The following FAM135B variants were observed in gnomAD, a reference collection of about 807,000 sequenced individuals.
FAM135B encodes the protein family with sequence similarity 135 member B.
FAM135B carries 43 observed loss-of-function variants against 127.7 expected under a neutral mutation model. That is an observed-to-expected ratio of 0.34 (90% CI 0.26 to 0.43). The LOEUF (loss-of-function observed/expected upper bound fraction) is 0.43. FAM135B is among the 20% of genes least tolerant of loss of function. FAM135B has a pLI of 1.00. For missense variants in FAM135B, 1,558 were observed against 1,725.6 expected (o/e 0.90, Z 1.72); for synonymous variants, 670 against 665.1 (o/e 1.01, Z -0.11).
At chr8:138,491,914 T>G (rs1368163971) in intron 1 of FAM135B, among the ~76,000 whole-genome samples, 2 of 151,394 alleles carry the variant, frequency 1.3e-5, no homozygotes, top group African/African-American at 4.9e-5. Flanking sequence ...GAGGCCAGGG[T>G]GGGTAGAGGT....
rs150579211 is a variant in FAM135B, at chr8:138,141,707, A to G, written c.3639-358T>C. Among the ~76,000 whole-genome samples the G allele has an allele frequency of 2.3e-4, 35 of 152,272 alleles. No homozygotes were observed. The East Asian group carries it at 5.8e-3, about 25-fold the overall frequency. On this transcript the variant is annotated intron_variant, in intron 16 of 19. Coordinates refer to ENST00000395297, the MANE Select transcript of FAM135B (RefSeq NM_015912.4). This position sits in a 1 kb window ranked among gnomAD's most constrained non-coding sequence, Gnocchi z 4.7. The stretch of plus-strand genomic sequence containing the variant: ...AATCTCCTGGTCATTCACAGGATCA[A>G]GTCCCAAGTCCTTATCCTGCTTGGG...
At chr8:138,361,696 G>A (rs780842995) in intron 2 of FAM135B, among the ~76,000 whole-genome samples, 26 of 151,842 alleles carry the variant, frequency 1.7e-4, no homozygotes, top group Non-Finnish European at 3.2e-4. Context: ...TCTCACCTCC[G>A]CCCACTCCCC....
At chr8:138,468,352 T>C (rs1056155678) in intron 1 of FAM135B, among the ~76,000 whole-genome samples, 8 of 152,244 alleles carry the variant, frequency 5.3e-5, no homozygotes, top group African/African-American at 1.9e-4. Context: ...TTTCTGAGTC[T>C]GCTGTTAGCT....
intron 1 of FAM135B, among the ~76,000 whole-genome samples, chr8:138,388,527 C>T (rs746456977): frequency 6.6e-6 from 1 of 152,220 alleles, no homozygotes; most frequent in Non-Finnish European, 1.5e-5. Context: ...AAATAAACCA[C>T]TGTCTATCCT....
At chr8:138,288,505 G>A (rs1824867303) in intron 3 of FAM135B, among the ~76,000 whole-genome samples, 1 of 152,138 alleles carries the variant, frequency 6.6e-6, no homozygotes, top group Non-Finnish European at 1.5e-5. Flanking sequence ...GGGAGACAGA[G>A]GGAAAAGCAG....
rs138783522 is a variant in FAM135B, at chr8:138,194,074, A to T, written c.873+1184T>A. On this transcript the variant is annotated intron_variant, in intron 9 of 19. Coordinates refer to ENST00000395297, the MANE Select transcript of FAM135B (RefSeq NM_015912.4). ...CAGAGTCGGAGCATATGAGCCCCCA[A>T]GTGTGGACATTAGGCCTTTGACTCG... is the stretch of plus-strand genomic sequence containing the variant. 4.3e-4 allele frequency among the ~76,000 whole-genome samples: 66 copies of T among 152,276 alleles called. No individual in the cohort carries two copies. In the Middle Eastern group the frequency reaches 0.01, roughly 24 times the overall value.
intron 1 of FAM135B, among the ~76,000 whole-genome samples, chr8:138,411,576 G>C (rs933519130): frequency 1.3e-5 from 2 of 152,136 alleles, no homozygotes; most frequent in Non-Finnish European, 2.9e-5. Flanking sequence ...ATAGGCATGG[G>C]TAAGGACTTC....
intron 1 of FAM135B, among the ~76,000 whole-genome samples, chr8:138,457,903 G>A (rs1393671338): frequency 1.3e-5 from 2 of 151,716 alleles, no homozygotes; most frequent in African/African-American, 4.9e-5. Flanking sequence ...CTTGATCCTA[G>A]GAGGCAAAGC....
intron 9 of FAM135B, among the ~76,000 whole-genome samples, chr8:138,183,993 C>T (rs1815323351): frequency 6.6e-6 from 1 of 152,148 alleles, no homozygotes; most frequent in Admixed American, 6.5e-5. Flanking sequence ...AACACAAATC[C>T]TTAAACTAAA....
At position 138,149,619 on chromosome 8, in the gene FAM135B, C is replaced by T. The variant is rs527582841; in HGVS notation, c.3282-933G>A. 3.3e-5 allele frequency among the ~76,000 whole-genome samples: 5 copies of T among 152,192 alleles called. No homozygotes were observed. In the South Asian group the frequency reaches 1.0e-3, roughly 32 times the overall value. On this transcript the variant is annotated intron_variant, in intron 13 of 19. Transcript: ENST00000395297. ...GTCAGAATCTCAAATTTGACACTCA[C>T]TATTTCTTGTTATTATCTGTTATTA... is the stretch of plus-strand genomic sequence containing the variant.
rs73434954 is a variant in FAM135B at position 138,241,056 on chromosome 8, C to T, written c.669+1886G>A. The stretch of plus-strand genomic sequence containing the variant: ...TACTGAAACTCTGGGTGCCAGCCCA[C>T]GTGGGGGCTGAAGGAAGGAAGACTG... On this transcript the variant is annotated intron_variant, in intron 7 of 19. Coordinates refer to ENST00000395297, the MANE Select transcript of FAM135B (RefSeq NM_015912.4). This position sits in a 1 kb window ranked among gnomAD's most constrained non-coding sequence, Gnocchi z 4.8. Among the ~76,000 whole-genome samples the T allele has an allele frequency of 0.014, 2,150 of 152,106 alleles. 49 individuals carry two copies. The highest frequency in any genetic ancestry group is 0.049 in the African/African-American group (2,019 of 41,408).
At position 138,322,138 on chromosome 8, in the gene FAM135B, A is replaced by C. The variant is rs76651136; in HGVS notation, c.78-11218T>G. 9.7e-3 allele frequency among the ~76,000 whole-genome samples: 1,483 copies of C among 152,216 alleles called. 29 individuals are homozygous for C. Among genetic ancestry groups the C allele is most frequent in the African/African-American group, 0.034 (1,412 of 41,536 alleles). On this transcript the variant is annotated intron_variant, in intron 2 of 19. Coordinates refer to ENST00000395297, the MANE Select transcript of FAM135B (RefSeq NM_015912.4). ...ACACTGTGATATGAATGTGCAGGGG[A>C]ACTTTATTTTTAAATGATAGTGAAA...
intron 1 of FAM135B, among the ~76,000 whole-genome samples, chr8:138,431,623 C>T (rs1376474887): frequency 3.3e-5 from 5 of 152,166 alleles, no homozygotes; most frequent in African/African-American, 1.2e-4. Context: ...TCCTATCTAG[C>T]CTTTAACAGA....
At chr8:138,435,429 A>G (rs1835408581) in intron 1 of FAM135B, among the ~76,000 whole-genome samples, 1 of 152,214 alleles carries the variant, frequency 6.6e-6, no homozygotes, top group African/African-American at 2.4e-5. Flanking sequence ...GTTACTGATG[A>G]GAAAGCTGAA....
intron 7 of FAM135B, among the ~76,000 whole-genome samples, chr8:138,215,657 GCA>G (rs1818484631): frequency 6.6e-6 from 1 of 152,178 alleles, no homozygotes; most frequent in Admixed American, 6.5e-5. Context: ...AAGTGCTTTG[GCA>G]CAGACAGAAC....
chr8:138,293,881 A>G (rs1825295590), intron 3 of FAM135B, among the ~76,000 whole-genome samples: 1 of 152,214 alleles, frequency 6.6e-6, no homozygotes, highest in Non-Finnish European at 1.5e-5. Flanking sequence ...TTGACCCAAC[A>G]ATCCCAGTGG....
chr8:138,176,958 T>C (rs940305531), intron 11 of FAM135B, among the ~76,000 whole-genome samples: 3 of 152,222 alleles, frequency 2.0e-5, no homozygotes, highest in African/African-American at 7.2e-5. Flanking sequence ...TTAATTCTTA[T>C]GCTGAATGCA....
chr8:138,174,817 C>G (rs527788779), intron 11 of FAM135B, among the ~76,000 whole-genome samples: 1 of 152,190 alleles, frequency 6.6e-6, no homozygotes, highest in Non-Finnish European at 1.5e-5. Flanking sequence ...GTTCCTCTCA[C>G]AGCGATGCAT....
intron 1 of FAM135B, among the ~76,000 whole-genome samples, chr8:138,386,230 A>AC (rs1047570991): frequency 3.3e-5 from 5 of 151,992 alleles, no homozygotes; most frequent in Non-Finnish European, 7.4e-5. Flanking sequence ...AAAACAAAAA[A>AC]AAAAACAAAA....
Sources: allele counts gnomAD v4.1 joint callset (sites outside exome capture counted in the v4.1 genomes callset), GRCh38; gene constraint gnomAD v4.1.1; non-coding constraint Gnocchi (gnomAD v3.1); transcripts MANE v1.5; gene names NCBI Gene and HGNC (gene_info 2026-07-23, HGNC 2026-07-21).